LRRTM4: variants seen among roughly 807,000 people sequenced by gnomAD.
LRRTM4 encodes leucine rich repeat transmembrane neuronal 4.
In LRRTM4, 25 loss-of-function variants were observed where a neutral mutation model predicts 47.6. The observed-to-expected ratio is 0.53, with a 90% CI of 0.38 to 0.73. The LOEUF (loss-of-function observed/expected upper bound fraction) is 0.73. Among genes scored for constraint, LRRTM4 ranks in the 30% least tolerant of loss-of-function variants. The pLI is 0.00. For missense variants in LRRTM4, 638 were observed against 713.4 expected (o/e 0.89, Z 1.20); for synonymous variants, 311 against 269.5 (o/e 1.15, Z -1.51).
intron 3 of LRRTM4, among the ~76,000 whole-genome samples, chr2:77,501,955 T>C (rs1328445113): frequency 6.6e-6 from 1 of 151,392 alleles, no homozygotes; most frequent in African/African-American, 2.4e-5. Context: ...AATTTAAATG[T>C]TGAGGTGAGA....
intron 3 of LRRTM4, among the ~76,000 whole-genome samples, chr2:76,774,267 T>C (rs1031296937): frequency 6.6e-6 from 1 of 151,970 alleles, no homozygotes; most frequent in Non-Finnish European, 1.5e-5. Flanking sequence ...TCACTGCAAC[T>C]TCCAACTTCT....
chr2:76,970,308 G>A (rs970744512), intron 3 of LRRTM4, among the ~76,000 whole-genome samples: 11 of 151,938 alleles, frequency 7.2e-5, no homozygotes, highest in Admixed American at 6.6e-5. Flanking sequence ...CAAAAGTGAT[G>A]TATTTCATAT....
At chr2:76,962,515 T>C (rs985369987) in intron 3 of LRRTM4, among the ~76,000 whole-genome samples, 7 of 150,952 alleles carry the variant, frequency 4.6e-5, no homozygotes, top group African/African-American at 1.7e-4. Context: ...AAGTGTATTT[T>C]TTTTTGTCTA....
intron 3 of LRRTM4, among the ~76,000 whole-genome samples, chr2:76,931,193 C>T (rs1011117005): frequency 2.0e-5 from 3 of 152,068 alleles, no homozygotes; most frequent in South Asian, 4.2e-4. Flanking sequence ...AAAATTAATG[C>T]TAATATGTTG....
chr2:77,300,576 C>T (rs1558676809), intron 3 of LRRTM4, among the ~76,000 whole-genome samples: 1 of 152,070 alleles, frequency 6.6e-6, no homozygotes, highest in East Asian at 1.9e-4. Context: ...TTACATTTAA[C>T]ACACCTAGCA....
chr2:77,393,174 C>T lies in LRRTM4; in HGVS notation c.1551+125144G>A, dbSNP rs184259337. On this transcript the variant is annotated intron_variant, in intron 3 of 3. Transcript: ENST00000409884. ...ACTAGAAATCTCCTTCTTCATTCAA[C>T]ACACTTAAAAGAACTGTCAAATAGT... Among the ~76,000 whole-genome samples the T allele has an allele frequency of 2.0e-5, 3 of 152,008 alleles. No homozygotes were observed. The East Asian group carries it at 5.8e-4, about 30-fold the overall frequency.
chr2:76,816,170 G>C (rs1428646690), intron 3 of LRRTM4, among the ~76,000 whole-genome samples: 1 of 152,058 alleles, frequency 6.6e-6, no homozygotes, highest in Non-Finnish European at 1.5e-5. Flanking sequence ...GATACAGAAA[G>C]ATTGTTTGTA....
chr2:77,514,551 G>A (rs73942774), intron 3 of LRRTM4, among the ~76,000 whole-genome samples: 10,935 of 151,896 alleles, frequency 0.072, 1,071 homozygotes, highest in East Asian at 0.54. Flanking sequence ...TTAAATATTT[G>A]GAAAATATAC....
intron 3 of LRRTM4, among the ~76,000 whole-genome samples, chr2:76,934,035 T>C (rs781434936): frequency 1.3e-5 from 2 of 152,126 alleles, no homozygotes; most frequent in Non-Finnish European, 1.5e-5. Flanking sequence ...AACATTCACA[T>C]TGATTTATCA....
At chr2:77,365,257 A>G (rs1337674173) in intron 3 of LRRTM4, among the ~76,000 whole-genome samples, 2 of 152,054 alleles carry the variant, frequency 1.3e-5, no homozygotes, top group African/African-American at 4.8e-5. Flanking sequence ...TCAATGAACA[A>G]AGTTTCATCA....
At position 77,431,786 on chromosome 2, in the gene LRRTM4, G is replaced by A. The variant is rs1405391739; in HGVS notation, c.1551+86532C>T. Reference sequence around the variant, plus strand: ...TGCAGAAATCAGAACTAAGAAATTGGTAATTGGGGCCAGGCACGGTAGCTC... The same window carrying A: ...TGCAGAAATCAGAACTAAGAAATTGATAATTGGGGCCAGGCACGGTAGCTC... On this transcript the variant is annotated intron_variant, in intron 3 of 3. Coordinates refer to ENST00000409884, the MANE Select transcript of LRRTM4 (RefSeq NM_001134745.3). Among the ~76,000 whole-genome samples the A allele has an allele frequency of 2.0e-5, 3 of 148,846 alleles. 1 individual carries two copies. Among genetic ancestry groups the A allele is most frequent in the Non-Finnish European group, 4.4e-5 (3 of 67,982 alleles).
rs185668101 is a variant in LRRTM4 at position 76,963,410 on chromosome 2, G to A, written c.1552-214494C>T. Among the ~76,000 whole-genome samples the A allele has an allele frequency of 8.7e-3, 1,308 of 150,886 alleles. 27 individuals carry two copies. The highest frequency in any genetic ancestry group is 0.029 in the African/African-American group (1,208 of 41,412). The stretch of plus-strand genomic sequence containing the variant: ...ATCTGAAAAAATGTATTGATCAAGT[G>A]ATTAAAACAGATTTCTCATCAGAAA... On this transcript the variant is annotated intron_variant, in intron 3 of 3. Coordinates refer to ENST00000409884, the MANE Select transcript of LRRTM4 (RefSeq NM_001134745.3).
intron 3 of LRRTM4, among the ~76,000 whole-genome samples, chr2:77,511,842 G>T (rs967348046): frequency 6.6e-6 from 1 of 151,994 alleles, no homozygotes. Context: ...TTGACTTAAG[G>T]TCAAACTTTA....
intron 3 of LRRTM4, among the ~76,000 whole-genome samples, chr2:77,225,758 A>G (rs1263455325): frequency 6.6e-6 from 1 of 152,278 alleles, no homozygotes; most frequent in Admixed American, 6.6e-5. Context: ...AAATTTACCT[A>G]GAGAAGAAAA....
intron 3 of LRRTM4, among the ~76,000 whole-genome samples, chr2:77,484,653 CAT>C (rs774355835): frequency 9.2e-5 from 14 of 152,180 alleles, no homozygotes; most frequent in Middle Eastern, 3.4e-3. Context: ...CAAGTAAAAA[CAT>C]ATTTTTCAGA....
Position 77,066,174 on chromosome 2 carries a change from TG to T in LRRTM4, c.1552-317259del, listed in dbSNP as rs1407665912. ...GAGGAGCTCAGATACTGAGTTAGAT[TG>T]CTTATTATAAATTCCTGGTTCTATT... is the stretch of plus-strand genomic sequence containing the variant. On this transcript the variant is annotated intron_variant, in intron 3 of 3. Transcript: ENST00000409884. Among the ~76,000 whole-genome samples the T allele has an allele frequency of 9.2e-5, 14 of 152,292 alleles. No individual in the cohort carries two copies. The South Asian group carries it at 2.7e-3, about 29-fold the overall frequency.
At chr2:77,358,023 C>A (rs772599116) in intron 3 of LRRTM4, among the ~76,000 whole-genome samples, 14 of 152,112 alleles carry the variant, frequency 9.2e-5, no homozygotes, top group Non-Finnish European at 1.6e-4. Flanking sequence ...GGGTTTCCCT[C>A]ATCTCATATA....
intron 3 of LRRTM4, among the ~76,000 whole-genome samples, chr2:77,451,857 C>A (rs1207950119): frequency 6.6e-6 from 1 of 152,086 alleles, no homozygotes; most frequent in Non-Finnish European, 1.5e-5. Flanking sequence ...TGAGAAGGAG[C>A]TATTCATGGG....
intron 3 of LRRTM4, among the ~76,000 whole-genome samples, chr2:77,266,212 C>A (rs1026027599): frequency 3.9e-5 from 6 of 152,078 alleles, no homozygotes; most frequent in African/African-American, 1.2e-4. Context: ...TATCTCTGAT[C>A]TAGATGTAAA....
Sources: gnomAD v4.1 joint callset for allele counts (sites outside exome capture counted in the v4.1 genomes callset) on GRCh38, gnomAD v4.1.1 for gene constraint, MANE v1.5 for transcripts, NCBI Gene and HGNC (gene_info 2026-07-23, HGNC 2026-07-21) for gene names.